Variants in RPLP2 observed in about 807,000 individuals in gnomAD.
RPLP2 encodes ribosomal protein lateral stalk subunit P2.
RPLP2 carries 1 observed loss-of-function variant against 11.5 expected under a neutral mutation model. The ratio of observed to expected loss-of-function variants is 0.09; its 90% confidence interval spans 0.03 to 0.41. The LOEUF (loss-of-function observed/expected upper bound fraction) is 0.41. RPLP2 is among the 10% of genes least tolerant of loss of function. RPLP2 has a pLI of 0.98. For synonymous variants in RPLP2, 82 were observed against 55.9 expected (o/e 1.47, Z -2.08); for missense variants, 177 against 145.6 (o/e 1.22, Z -1.11).
chr11:812,454 C>G, intron 3 of RPLP2, 81 bp from the exon 4 acceptor site: 1 of 1,575,528 alleles, frequency 6.3e-7, no homozygotes, highest in Non-Finnish European at 8.6e-7. Flanking sequence ...CATGTGCCAT[C>G]TCTGGTGCCA....
At chr11:812,480 G>T in intron 3 of RPLP2, 55 bp from the exon 4 acceptor site, 1 of 1,597,078 alleles carries the variant, frequency 6.3e-7, no homozygotes, top group South Asian at 1.1e-5. Flanking sequence ...CTTCCCTGTG[G>T]AACAGCCTCC....
intron 3 of RPLP2, 58 bp from the exon 4 acceptor site, chr11:812,477 G>A: frequency 1.3e-6 from 2 of 1,596,160 alleles, no homozygotes; most frequent in Non-Finnish European, 1.7e-6. Context: ...TAACTTCCCT[G>A]TGGAACAGCC....
In RPLP2 at chr11:811,585, TG is replaced by T. The variant is rs759387698; in HGVS notation, c.124-11del. 1.9e-5 allele frequency: 30 copies of T among 1,614,190 alleles called. No homozygotes were observed. Among genetic ancestry groups the T allele is most frequent in the Non-Finnish European group, 2.4e-5 (28 of 1,180,000 alleles). ...ACATTCCTGGTAACAGCCCTGTGAT[TG>T]TCTGCTTCAGGTTATCAGTGAGCTG... On this transcript the variant is annotated splice_polypyrimidine_tract_variant and intron_variant, in intron 2 of 4. Transcript: ENST00000321153.
intron 3 of RPLP2, chr11:811,886 A>G (rs1467123857): frequency 1.8e-5 from 13 of 740,866 alleles, no homozygotes; most frequent in African/African-American, 1.2e-4. Context: ...CTTAAGCCTG[A>G]CTGCTCCTAG....
intron 3 of RPLP2, chr11:811,850 C>T (rs1201180036): frequency 5.1e-6 from 4 of 777,242 alleles, no homozygotes; most frequent in African/African-American, 3.4e-5. Flanking sequence ...CCTGTGTTCT[C>T]AGCAGACGTT....
intron 2 of RPLP2, 153 bp from the exon 3 acceptor site, chr11:811,444 T>G: frequency 2.6e-6 from 2 of 758,346 alleles, no homozygotes; most frequent in Non-Finnish European, 4.4e-6. Context: ...ACTTCCCAAG[T>G]GAGGCTGGTG....
intron 3 of RPLP2, 168 bp from the exon 4 acceptor site, chr11:812,367 G>A: frequency 1.2e-6 from 1 of 819,060 alleles, no homozygotes; most frequent in East Asian, 2.7e-5. Flanking sequence ...AGTCCCCGTT[G>A]AGGAGTGGCT....
chr11:811,510 A>AC, intron 2 of RPLP2, 87 bp from the exon 3 acceptor site: 1 of 1,538,436 alleles, frequency 6.5e-7, no homozygotes, highest in South Asian at 1.1e-5. Flanking sequence ...CATGTGGGGA[A>AC]CCCAGTCCTG....
intron 3 of RPLP2, 146 bp downstream of exon 3, chr11:811,791 C>T (rs368479543): frequency 5.1e-6 from 5 of 973,274 alleles, no homozygotes; most frequent in African/African-American, 1.6e-5. Context: ...AGTGGGCTCA[C>T]GTCATGGGCA....
At chr11:810,434 C>T (rs1403392506) in intron 2 of RPLP2, 77 bp downstream of exon 2, 9 of 1,412,396 alleles carry the variant, frequency 6.4e-6, no homozygotes, top group Admixed American at 2.0e-5. Context: ...CTGATCCGGC[C>T]ACATGCTGGA....
chr11:811,784 G>C, intron 3 of RPLP2, 139 bp downstream of exon 3: 1 of 1,049,154 alleles, frequency 9.5e-7, no homozygotes, highest in Non-Finnish European at 1.5e-6. Context: ...GGGCTCCAGT[G>C]GGCTCACGTC....
In RPLP2 at chr11:810,217, C is replaced by T. The variant is rs1268623490; in HGVS notation, c.-1-17C>T. ...GCCGGGGTAACTCCGCCGTCGCGTCCTCTCCGCCCGCCTCAGGATGCGCTA... is the reference window on the plus strand; with the variant it reads ...GCCGGGGTAACTCCGCCGTCGCGTCTTCTCCGCCCGCCTCAGGATGCGCTA... On this transcript the variant is annotated splice_polypyrimidine_tract_variant and intron_variant, in intron 1 of 4. Transcript: ENST00000321153. 1.3e-6 allele frequency: 2 copies of T among 1,518,218 alleles called. No homozygotes were observed. The allele number at this position is 1,518,218 out of a possible 1,614,324, so 94.0% of individuals were successfully genotyped here. A position where few individuals can be genotyped will look rare whatever the true frequency, so the allele number is the denominator to read the frequency against.
Position 811,651 on chromosome 11 carries a change from T to C in RPLP2, c.172+6T>C, listed in dbSNP as rs372308141. 1.3e-4 allele frequency: 215 copies of C among 1,614,046 alleles called. No homozygotes were observed. The highest frequency in any genetic ancestry group is 1.7e-4 in the Non-Finnish European group (206 of 1,180,018). The stretch of plus-strand genomic sequence containing the variant: ...TGAAGACGTCATTGCCCAGGGTGAG[T>C]TGATGTGGACGGGCTTTCGTTTGTT... On this transcript the variant is annotated splice_donor_region_variant and intron_variant, in intron 3 of 4. Transcript: ENST00000321153.
intron 2 of RPLP2, among the ~76,000 whole-genome samples, chr11:811,204 C>T (rs1425650898): frequency 3.3e-5 from 5 of 152,046 alleles, no homozygotes; most frequent in Non-Finnish European, 7.4e-5. Context: ...CTTGGTTGCT[C>T]ATGCCTGTAG....
chr11:810,471 C>G (rs12289366), intron 2 of RPLP2, 114 bp downstream of exon 2: 1 of 1,077,592 alleles, frequency 9.3e-7, no homozygotes, highest in Non-Finnish European at 1.3e-6. Flanking sequence ...TCGTTTCAGT[C>G]TAGTTGGCGA....
At chr11:810,204 C>G in intron 1 of RPLP2, 30 bp from the exon 2 acceptor site, 1 of 1,482,368 alleles carries the variant, frequency 6.7e-7, no homozygotes, top group Non-Finnish European at 9.0e-7. Flanking sequence ...CGGGGTAACT[C>G]CGCCGTCGCG....
chr11:811,896 G>C (rs1038032444), intron 3 of RPLP2: 6 of 720,414 alleles, frequency 8.3e-6, no homozygotes, highest in Non-Finnish European at 1.5e-5. Context: ...ACTGCTCCTA[G>C]CCCTGAGGCC....
rs929544452 is a variant in RPLP2 at position 809,994 on chromosome 11, C to G, written c.-47C>G. On this transcript the variant is annotated 5_prime_UTR_variant, in exon 1 of 5. Transcript: ENST00000321153. ...TTTTCCTCCCTGTCGCCACCGAGGT[C>G]GCACGCGTGAGACTTCTCCGCCGCC... 1.2e-5 allele frequency: 5 copies of G among 423,238 alleles called. No individual in the cohort carries two copies. In the Admixed American group the frequency reaches 1.9e-4, roughly 16 times the overall value. The allele number at this position is 423,238 out of a possible 1,614,324, so 26.2% of individuals were successfully genotyped here. A position where few individuals can be genotyped will look rare whatever the true frequency, so the allele number is the denominator to read the frequency against.
At chr11:811,784 G>A in intron 3 of RPLP2, 139 bp downstream of exon 3, 1 of 1,049,154 alleles carries the variant, frequency 9.5e-7, no homozygotes, top group South Asian at 1.3e-5. Context: ...GGGCTCCAGT[G>A]GGCTCACGTC....
Sources: gnomAD v4.1 joint callset for allele counts (sites outside exome capture counted in the v4.1 genomes callset) on GRCh38, gnomAD v4.1.1 for gene constraint, MANE v1.5 for transcripts, NCBI Gene and HGNC (gene_info 2026-07-23, HGNC 2026-07-21) for gene names.